Variants in TRIM2 observed in about 807,000 individuals in gnomAD.
TRIM2 encodes tripartite motif containing 2, also known as tripartite motif-containing protein 2.
Under a neutral mutation model 75.2 loss-of-function variants are expected in TRIM2, and 20 were observed. That is an observed-to-expected ratio of 0.27 (90% CI 0.19 to 0.39). TRIM2 has a LOEUF of 0.39. Ranked by LOEUF, TRIM2 falls within the 10% of genes least tolerant of loss-of-function variation. The pLI is 1.00. For synonymous variants in TRIM2, 373 were observed against 388.3 expected (o/e 0.96, Z 0.46); for missense variants, 660 against 990.8 (o/e 0.67, Z 4.48).
At chr4:153,155,664 C>T (rs1420570832) in intron 1 of TRIM2, among the ~76,000 whole-genome samples, 1 of 152,150 alleles carries the variant, frequency 6.6e-6, no homozygotes, top group Non-Finnish European at 1.5e-5. Flanking sequence ...AATTTATCAT[C>T]TGCCGTTCAT....
chr4:153,191,857 T>C (rs1267952865), intron 1 of TRIM2, among the ~76,000 whole-genome samples: 1 of 152,196 alleles, frequency 6.6e-6, no homozygotes, highest in Non-Finnish European at 1.5e-5. Flanking sequence ...CCTAAAGTCA[T>C]CGTGCCGCAA....
intron 6 of TRIM2, among the ~76,000 whole-genome samples, chr4:153,315,025 C>T (rs1386998566): frequency 6.6e-6 from 1 of 152,126 alleles, no homozygotes; most frequent in Non-Finnish European, 1.5e-5. Context: ...CCCCACACAC[C>T]CCAAATGCAA....
intron 1 of TRIM2, among the ~76,000 whole-genome samples, chr4:153,240,259 T>C (rs1314781220): frequency 4.6e-5 from 7 of 152,214 alleles, no homozygotes; most frequent in Non-Finnish European, 8.8e-5. Flanking sequence ...GCATAAGAAT[T>C]GGTAGACTAT....
chr4:153,338,899 T>C lies in TRIM2; in HGVS notation c.*3933T>C. ...GGAGTGTATTCTTGTAATAGAATTC[T>C]TTATATCGTTCTCAATTCTATAGAC... On this transcript the variant is annotated 3_prime_UTR_variant, in exon 12 of 12. Transcript: ENST00000338700. The C allele has an allele frequency of 1.0e-6, 1 of 985,740 alleles. No individual in the cohort carries two copies. The highest frequency in any genetic ancestry group is 1.7e-5 in the African/African-American group (1 of 57,360). The allele number at this position is 985,740 out of a possible 1,614,324, so 61.1% of individuals were successfully genotyped here. A position where few individuals can be genotyped will look rare whatever the true frequency, so the allele number is the denominator to read the frequency against.
rs541290091 is a variant in TRIM2, at chr4:153,266,263, G to A, written c.31-4072G>A. On this transcript the variant is annotated intron_variant, in intron 1 of 11. Transcript: ENST00000338700. ...CGGCTCATTGCAGCCTTGACCTCCC[G>A]AGCTCAAGCACTCCTCCCACCTCAG... 7.9e-5 allele frequency among the ~76,000 whole-genome samples: 12 copies of A among 151,570 alleles called. No homozygotes were observed. In the South Asian group the frequency reaches 1.9e-3, roughly 24 times the overall value.
chr4:153,229,844 T>TA (rs1434648829), intron 1 of TRIM2, among the ~76,000 whole-genome samples: 4 of 152,226 alleles, frequency 2.6e-5, no homozygotes, highest in Non-Finnish European at 5.9e-5. Flanking sequence ...TAGAACTAAA[T>TA]ACATTTCTTT....
chr4:153,157,149 C>G (rs1245519039), intron 1 of TRIM2: 1 of 152,246 alleles, frequency 6.6e-6, no homozygotes, highest in African/African-American at 2.4e-5. Flanking sequence ...TTGTTCAAAA[C>G]AGTGTTGTTT....
At chr4:153,267,318 G>A (rs1365252432) in intron 1 of TRIM2, among the ~76,000 whole-genome samples, 2 of 152,090 alleles carry the variant, frequency 1.3e-5, no homozygotes, top group Non-Finnish European at 2.9e-5. Flanking sequence ...TTGCATTCTG[G>A]TAAACTTCTT....
At chr4:153,234,266 G>A (rs931172739) in intron 1 of TRIM2, among the ~76,000 whole-genome samples, 2 of 152,148 alleles carry the variant, frequency 1.3e-5, no homozygotes, top group Non-Finnish European at 2.9e-5. Flanking sequence ...CTATGATGTT[G>A]CTTGCATCTC....
chr4:153,299,346 T>C (rs992456423), intron 6 of TRIM2, among the ~76,000 whole-genome samples: 3 of 152,044 alleles, frequency 2.0e-5, no homozygotes, highest in African/African-American at 7.3e-5. Context: ...TTCCATTGTG[T>C]GTGTATGTGT....
In TRIM2 at chr4:153,336,390, C is replaced by A. The variant is rs1719700715; in HGVS notation, c.*1424C>A. ...AAAAACCACACACACACATAAAAAACCCAACAGGTCAAAATAAAAGTTGAA... is the reference window on the plus strand; with the variant it reads ...AAAAACCACACACACACATAAAAAAACCAACAGGTCAAAATAAAAGTTGAA... On this transcript the variant is annotated 3_prime_UTR_variant, in exon 12 of 12. Transcript: ENST00000338700. The A allele has an allele frequency of 1.0e-6, 1 of 981,776 alleles. No individual in the cohort carries two copies. Among genetic ancestry groups the A allele is most frequent in the Non-Finnish European group, 1.2e-6 (1 of 828,318 alleles). The allele number at this position is 981,776 out of a possible 1,614,324, so 60.8% of individuals were successfully genotyped here.
At chr4:153,173,199 G>A (rs1347015576) in intron 1 of TRIM2, among the ~76,000 whole-genome samples, 2 of 152,138 alleles carry the variant, frequency 1.3e-5, no homozygotes, top group African/African-American at 4.8e-5. Context: ...GGGCCCAGAA[G>A]GCAGAGCACT....
At chr4:153,181,994 C>A (rs1732113330) in intron 1 of TRIM2, among the ~76,000 whole-genome samples, 1 of 152,156 alleles carries the variant, frequency 6.6e-6, no homozygotes, top group East Asian at 1.9e-4. Flanking sequence ...AGCTTTACTC[C>A]ACCCTCAACT....
Position 153,282,189 on chromosome 4 carries a change from G to A in TRIM2, c.453+6059G>A, listed in dbSNP as rs539062258. Among the ~76,000 whole-genome samples, 68 of 152,334 alleles carry A rather than the reference G, an allele frequency of 4.5e-4. No individual in the cohort carries two copies. The South Asian group carries it at 8.3e-3, about 19-fold the overall frequency. ...TCATCTCACTGGAGATGGATGAAATGGATGAGCTCAGCAGAATTACACGCC... is the reference window on the plus strand; with the variant it reads ...TCATCTCACTGGAGATGGATGAAATAGATGAGCTCAGCAGAATTACACGCC... On this transcript the variant is annotated intron_variant, in intron 3 of 11. Transcript: ENST00000338700.
chr4:153,185,715 CCT>C (rs1165691983), intron 1 of TRIM2, among the ~76,000 whole-genome samples: 4 of 152,052 alleles, frequency 2.6e-5, no homozygotes, highest in Non-Finnish European at 5.9e-5. Flanking sequence ...GGAGGAGATG[CCT>C]CTATCTCTGG....
intron 1 of TRIM2, among the ~76,000 whole-genome samples, chr4:153,244,437 T>TCTTCTTCTTCTTCTTCTTCCTCTTCTTC (rs1206105496): frequency 2.9e-5 from 3 of 102,520 alleles, no homozygotes; most frequent in Non-Finnish European, 3.7e-5. Context: ...TTCTTCTTCT[T>TCTTCTTCTTCTTCTTCTTCCTCTTCTTC]TTAATTAGAG....
chr4:153,161,790 C>T (rs773331124), intron 1 of TRIM2, among the ~76,000 whole-genome samples: 3 of 152,216 alleles, frequency 2.0e-5, no homozygotes, highest in African/African-American at 7.2e-5. Context: ...AAGACTCACA[C>T]AAAAGCATTA....
chr4:153,334,134 G>A (rs1275408484), intron 11 of TRIM2, among the ~76,000 whole-genome samples: 5 of 151,968 alleles, frequency 3.3e-5, no homozygotes, highest in African/African-American at 9.7e-5. Context: ...GATTTAACAT[G>A]AACAATAAGC....
At position 153,334,932 on chromosome 4, in the gene TRIM2, A is replaced by G. The variant is rs1416463802; in HGVS notation, c.2282A>G (p.Asn761Ser). The change falls in exon 12 of 12, where the codon AAT becomes AGT. Residue 761 changes from asparagine to serine, a missense_variant. This residue lies in a region of TRIM2 where 40 missense variants were observed against 99.8 expected (regional missense o/e 0.40). Coordinates refer to ENST00000338700, the MANE Select transcript of TRIM2 (RefSeq NM_015271.5). ...DGHVVVADSGNHCFKVYRYLQ is the reference protein window; with the variant it reads ...DGHVVVADSGSHCFKVYRYLQ The stretch of plus-strand genomic sequence containing the variant: ...CATGTTGTGGTTGCAGACTCTGGAA[A>G]TCACTGTTTCAAAGTCTATCGATAC... The G allele has an allele frequency of 3.1e-6, 5 of 1,613,796 alleles. No individual in the cohort carries two copies. The highest frequency in any genetic ancestry group is 1.7e-5 in the Admixed American group (1 of 59,954).
Sources: allele counts gnomAD v4.1 joint callset (sites outside exome capture counted in the v4.1 genomes callset), GRCh38; gene constraint gnomAD v4.1.1; regional missense constraint gnomAD v4.1.1; transcripts MANE v1.5; gene names NCBI Gene and HGNC (gene_info 2026-07-23, HGNC 2026-07-21).